The following PTPRD variants were observed in gnomAD, a reference collection of about 807,000 sequenced individuals.
PTPRD encodes protein tyrosine phosphatase receptor type D, also known as receptor-type tyrosine-protein phosphatase delta.
A neutral mutation model predicts 214.5 loss-of-function variants in PTPRD; 34 were observed. That is an observed-to-expected ratio of 0.16 (90% confidence interval 0.12 to 0.21). PTPRD has a LOEUF of 0.21. PTPRD is among the 10% of genes least tolerant of loss of function. PTPRD has a pLI of 1.00. For missense variants in PTPRD, 2,545 were observed against 2,398.7 expected (o/e 1.06, Z -1.27); for synonymous variants, 1,128 against 845.7 (o/e 1.33, Z -5.79).
chr9:8,451,798 G>T (rs1254976731), intron 33 of PTPRD: 1 of 424,714 alleles, frequency 2.4e-6, no homozygotes, highest in South Asian at 1.8e-5. Context: ...CTAAAATTTG[G>T]ATTTTTCTCC....
chr9:8,938,702 A>C (rs1467152312), intron 11 of PTPRD, among the ~76,000 whole-genome samples: 2 of 151,910 alleles, frequency 1.3e-5, no homozygotes, highest in Non-Finnish European at 2.9e-5. Flanking sequence ...AGGGTCCACT[A>C]AGAGGCCAAG....
At chr9:8,526,785 T>A in intron 16 of PTPRD, 141 bp from the exon 17 acceptor site, 1 of 598,832 alleles carries the variant, frequency 1.7e-6, no homozygotes, top group Non-Finnish European at 2.8e-6. Context: ...ATTACTATAT[T>A]GGTAAAACAG....
chr9:10,505,750 T>G (rs1006490171), intron 2 of PTPRD, among the ~76,000 whole-genome samples: 22 of 152,044 alleles, frequency 1.4e-4, no homozygotes, highest in Non-Finnish European at 3.1e-4. Flanking sequence ...AAATACTATT[T>G]TAAGTGAGTA....
At chr9:8,760,598 C>CTG (rs34488235) in intron 11 of PTPRD, among the ~76,000 whole-genome samples, 15,959 of 144,942 alleles carry the variant, frequency 0.11, 1,227 homozygotes, top group African/African-American at 0.22. Context: ...CTCTCTCTGT[C>CTG]TGTGTGTGTG....
At chr9:8,444,936 A>G (rs1483200802) in intron 34 of PTPRD, among the ~76,000 whole-genome samples, 1 of 152,204 alleles carries the variant, frequency 6.6e-6, no homozygotes, top group East Asian at 1.9e-4. Context: ...ACAGAGATGT[A>G]TGGAGCTTAA....
At chr9:8,416,158 A>T (rs2093920256) in intron 35 of PTPRD, among the ~76,000 whole-genome samples, 1 of 152,162 alleles carries the variant, frequency 6.6e-6, no homozygotes, top group Admixed American at 6.6e-5. Context: ...ATATAATAGT[A>T]GATTATATGA....
At chr9:9,506,966 G>C (rs889349524) in intron 8 of PTPRD, among the ~76,000 whole-genome samples, 2 of 151,364 alleles carry the variant, frequency 1.3e-5, no homozygotes, top group African/African-American at 4.8e-5. Context: ...GAAGTTAAAG[G>C]ATGTACTCAA....
intron 8 of PTPRD, among the ~76,000 whole-genome samples, chr9:9,451,093 T>C (rs1170086911): frequency 6.6e-6 from 1 of 151,614 alleles, no homozygotes; most frequent in African/African-American, 2.4e-5. Flanking sequence ...GTAGAAGTTG[T>C]TCAGTAAATG....
chr9:8,484,703 G>A (rs1004572987), intron 29 of PTPRD, among the ~76,000 whole-genome samples: 1 of 151,470 alleles, frequency 6.6e-6, no homozygotes, highest in Non-Finnish European at 1.5e-5. Flanking sequence ...AAAGCTCTAC[G>A]TTTCAACGTA....
chr9:8,439,413 G>C (rs1409620523), intron 34 of PTPRD, among the ~76,000 whole-genome samples: 1 of 152,182 alleles, frequency 6.6e-6, no homozygotes, highest in East Asian at 1.9e-4. Context: ...GCATATGTAA[G>C]GGTTCTAAAA....
chr9:9,924,632 G>T (rs1291763354), intron 5 of PTPRD, among the ~76,000 whole-genome samples: 1 of 151,974 alleles, frequency 6.6e-6, no homozygotes. Context: ...AAAGAAACAT[G>T]GTCCTGTGTT....
intron 3 of PTPRD, among the ~76,000 whole-genome samples, chr9:10,131,666 C>T (rs182193652): frequency 6.6e-6 from 1 of 151,988 alleles, no homozygotes; most frequent in African/African-American, 2.4e-5. Flanking sequence ...CTTCATAACT[C>T]GGTATCTTTC....
In PTPRD at chr9:8,664,813, T is replaced by G. The variant is rs576420313; in HGVS notation, c.65-27969A>C. ...AAATTTTTCAGTTTTTCACCAAGTT[T>G]TAAATGCAATCTCTTGAGTCCCATG... On this transcript the variant is annotated intron_variant, in intron 12 of 45. Coordinates refer to ENST00000381196, the MANE Select transcript of PTPRD (RefSeq NM_002839.4). Among the ~76,000 whole-genome samples, 49 of 152,336 alleles carry G rather than the reference T, an allele frequency of 3.2e-4. No individual in the cohort carries two copies. The South Asian group carries it at 3.5e-3, about 11-fold the overall frequency.
chr9:9,952,023 G>T (rs2093499988), intron 4 of PTPRD, among the ~76,000 whole-genome samples: 1 of 152,154 alleles, frequency 6.6e-6, no homozygotes, highest in South Asian at 2.1e-4. Flanking sequence ...ATGAAATAAA[G>T]ATGCTGGAAT....
intron 14 of PTPRD, among the ~76,000 whole-genome samples, chr9:8,597,642 G>A (rs905482200): frequency 2.0e-5 from 3 of 152,036 alleles, no homozygotes; most frequent in Non-Finnish European, 4.4e-5. Flanking sequence ...TTTTTGTTGG[G>A]CTCTAAATCA....
chr9:9,487,388 A>T (rs1034072994), intron 8 of PTPRD, among the ~76,000 whole-genome samples: 7 of 151,952 alleles, frequency 4.6e-5, no homozygotes, highest in Non-Finnish European at 8.8e-5. Flanking sequence ...AAGGACACGA[A>T]CTCATCCTTT....
intron 39 of PTPRD, among the ~76,000 whole-genome samples, chr9:8,342,527 T>C (rs1853443146): frequency 1.3e-5 from 2 of 152,102 alleles, no homozygotes; most frequent in African/African-American, 4.8e-5. Flanking sequence ...TACTTTCTCT[T>C]CCTGATCATG....
At chr9:9,282,853 TC>T (rs1948184717) in intron 9 of PTPRD, among the ~76,000 whole-genome samples, 1 of 151,476 alleles carries the variant, frequency 6.6e-6, no homozygotes, top group African/African-American at 2.4e-5. Context: ...GCAAGGTGGC[TC>T]CAAAATTTCT....
At chr9:9,641,959 T>C (rs1376687774) in intron 7 of PTPRD, among the ~76,000 whole-genome samples, 3 of 151,946 alleles carry the variant, frequency 2.0e-5, no homozygotes, top group Non-Finnish European at 4.4e-5. Context: ...TAAAGACACA[T>C]GCACACGTAT....
Sources: allele counts gnomAD v4.1 joint callset (sites outside exome capture counted in the v4.1 genomes callset), GRCh38; gene constraint gnomAD v4.1.1; transcripts MANE v1.5; gene names NCBI Gene and HGNC (gene_info 2026-07-23, HGNC 2026-07-21).